Variants in GRM7 observed in about 807,000 individuals in gnomAD.
GRM7 encodes glutamate metabotropic receptor 7, also known as metabotropic glutamate receptor 7.
Under a neutral mutation model 84.5 loss-of-function variants are expected in GRM7, and 35 were observed. That is an observed-to-expected ratio of 0.41 (90% CI 0.32 to 0.55). The LOEUF is 0.55. GRM7 is among the 20% of genes least tolerant of loss of function. The pLI, the probability that GRM7 is intolerant of heterozygous loss-of-function variation, is 0.19. For synonymous variants in GRM7, 487 were observed against 455.1 expected (o/e 1.07, Z -0.89); for missense variants, 1,003 against 1,194.6 (o/e 0.84, Z 2.36).
Position 6,995,541 on chromosome 3 carries a change from A to G in GRM7, c.519+133634A>G, listed in dbSNP as rs563966968. Among the ~76,000 whole-genome samples, 10 of 152,306 alleles carry G rather than the reference A, an allele frequency of 6.6e-5. No individual in the cohort carries two copies. In the South Asian group the frequency reaches 2.1e-3, roughly 32 times the overall value. On this transcript the variant is annotated intron_variant, in intron 1 of 9. Coordinates refer to ENST00000357716, the MANE Select transcript of GRM7 (RefSeq NM_000844.4). ...GGAAATTTGTTAGAGTACTGAATGGATGCAATGGCAATTTTGTACTTTGCT... is the reference window on the plus strand; with the variant it reads ...GGAAATTTGTTAGAGTACTGAATGGGTGCAATGGCAATTTTGTACTTTGCT...
At chr3:7,098,717 C>T (rs1397156655) in intron 1 of GRM7, among the ~76,000 whole-genome samples, 1 of 151,932 alleles carries the variant, frequency 6.6e-6, no homozygotes, top group Non-Finnish European at 1.5e-5. Flanking sequence ...TTATAAAAAA[C>T]ATCGATGATG....
intron 2 of GRM7, among the ~76,000 whole-genome samples, chr3:7,286,290 T>G (rs867151480): frequency 1.3e-5 from 2 of 152,308 alleles, no homozygotes; most frequent in Middle Eastern, 6.8e-3. Context: ...CAAAATGTAA[T>G]TTGGTATTTG....
intron 8 of GRM7, among the ~76,000 whole-genome samples, chr3:7,592,744 C>T: frequency 6.6e-6 from 1 of 152,178 alleles, no homozygotes; most frequent in East Asian, 1.9e-4. Flanking sequence ...ATATCATCTT[C>T]CTCTAGCTTC....
At chr3:7,547,050 A>T (rs535648418) in intron 7 of GRM7, among the ~76,000 whole-genome samples, 1 of 152,088 alleles carries the variant, frequency 6.6e-6, no homozygotes, top group Admixed American at 6.5e-5. Flanking sequence ...ATCCTACAGA[A>T]CCCCCAAGGC....
At chr3:6,974,209 A>G (rs1693891767) in intron 1 of GRM7, among the ~76,000 whole-genome samples, 1 of 152,192 alleles carries the variant, frequency 6.6e-6, no homozygotes, top group South Asian at 2.1e-4. Flanking sequence ...ATATATGGAA[A>G]AAGCCGAAAT....
At position 7,154,158 on chromosome 3, in the gene GRM7, A is replaced by G. The variant is rs17046903; in HGVS notation, c.736+7490A>G. Among the ~76,000 whole-genome samples, 645 of 152,298 alleles carry G rather than the reference A, an allele frequency of 4.2e-3. 3 individuals carry two copies. The highest frequency in any genetic ancestry group is 0.015 in the African/African-American group (609 of 41,566). ...CCAAGCAATGTGGTAGCCATTCCAA[A>G]AAACTTTCTGGCTTTTAAACCAAGA... On this transcript the variant is annotated intron_variant, in intron 2 of 9. Coordinates refer to ENST00000357716, the MANE Select transcript of GRM7 (RefSeq NM_000844.4).
chr3:7,695,607 C>T (rs950060606), intron 9 of GRM7, among the ~76,000 whole-genome samples: 10 of 152,148 alleles, frequency 6.6e-5, no homozygotes, highest in Non-Finnish European at 1.3e-4. Flanking sequence ...CAGGTTAAGA[C>T]TTAAGATGCT....
intron 1 of GRM7, among the ~76,000 whole-genome samples, chr3:6,985,534 T>C (rs1694376850): frequency 6.6e-6 from 1 of 152,240 alleles, no homozygotes; most frequent in Non-Finnish European, 1.5e-5. Flanking sequence ...GTTTCATTGT[T>C]GCCACAGGCT....
chr3:7,430,682 C>A (rs764750363), intron 5 of GRM7, among the ~76,000 whole-genome samples: 1 of 152,122 alleles, frequency 6.6e-6, no homozygotes, highest in Non-Finnish European at 1.5e-5. Context: ...TTCATAATAG[C>A]CCAGTTGGGG....
At chr3:6,957,785 A>G (rs991217851) in intron 1 of GRM7, among the ~76,000 whole-genome samples, 5 of 152,234 alleles carry the variant, frequency 3.3e-5, no homozygotes, top group African/African-American at 1.2e-4. Context: ...AGTGGTGAGA[A>G]AACACAGTGA....
chr3:7,674,920 G>A (rs1290810090), intron 8 of GRM7, among the ~76,000 whole-genome samples: 1 of 152,200 alleles, frequency 6.6e-6, no homozygotes, highest in Non-Finnish European at 1.5e-5. Flanking sequence ...AGTAGTGGAA[G>A]AGTAAGGTTT....
At chr3:7,319,942 C>A (rs147874305) in intron 4 of GRM7, among the ~76,000 whole-genome samples, 93 of 152,114 alleles carry the variant, frequency 6.1e-4, no homozygotes, top group African/African-American at 2.0e-3. Context: ...AACCACTACA[C>A]AAATCAAGAC....
At chr3:7,449,283 CA>C (rs1254500850) in intron 5 of GRM7, among the ~76,000 whole-genome samples, 3 of 151,984 alleles carry the variant, frequency 2.0e-5, no homozygotes, top group Admixed American at 2.0e-4. Context: ...AAGAAACATT[CA>C]AAACCTATGT....
intron 1 of GRM7, among the ~76,000 whole-genome samples, chr3:6,902,658 T>G (rs1696429942): frequency 6.6e-6 from 1 of 152,102 alleles, no homozygotes; most frequent in African/African-American, 2.4e-5. Context: ...AAAAATATAT[T>G]ATTTCTGAAA....
In GRM7 at chr3:6,956,458, G is replaced by A. The variant is rs1266284123; in HGVS notation, c.519+94551G>A. The A allele has an allele frequency of 3.5e-5, 15 of 434,106 alleles. No individual in the cohort carries two copies. The East Asian group carries it at 7.0e-4, about 20-fold the overall frequency. 26.9% of individuals were successfully genotyped at this position (434,106 alleles called of 1,614,324 possible). On this transcript the variant is annotated intron_variant, in intron 1 of 9. Transcript: ENST00000357716. Reference sequence around the variant, plus strand: ...CTCTCTAAGACTTTGGGCAAACGCCGGCACCATGTTTTTCATTCATTTTTT... The same window carrying A: ...CTCTCTAAGACTTTGGGCAAACGCCAGCACCATGTTTTTCATTCATTTTTT...
chr3:7,301,376 C>G (rs2125025708), intron 3 of GRM7, among the ~76,000 whole-genome samples: 1 of 152,278 alleles, frequency 6.6e-6, no homozygotes, highest in South Asian at 2.1e-4. Flanking sequence ...ATTACTCTTT[C>G]TGTTCCAGTA....
At chr3:7,722,644 C>A (rs938959825) in intron 9 of GRM7, among the ~76,000 whole-genome samples, 1 of 151,970 alleles carries the variant, frequency 6.6e-6, no homozygotes, top group African/African-American at 2.4e-5. Context: ...GGGTTCACCA[C>A]GTTGGCCAGG....
In GRM7 at chr3:7,216,543, A is replaced by G. The variant is rs375216564; in HGVS notation, c.736+69875A>G. 3.3e-5 allele frequency among the ~76,000 whole-genome samples: 5 copies of G among 152,172 alleles called. No homozygotes were observed. The East Asian group carries it at 5.8e-4, about 18-fold the overall frequency. On this transcript the variant is annotated intron_variant, in intron 2 of 9. Coordinates refer to ENST00000357716, the MANE Select transcript of GRM7 (RefSeq NM_000844.4). ...ATTTTATATAACCCATAACAATTTG[A>G]GATTGCTTTAGAGATTTATGCAAAA...
chr3:6,864,521 C>A (rs1376312254), intron 1 of GRM7, among the ~76,000 whole-genome samples: 1 of 152,166 alleles, frequency 6.6e-6, no homozygotes, highest in African/African-American at 2.4e-5. Context: ...TATAGTGAAT[C>A]TTGTCGGGGA....
Sources: gnomAD v4.1 joint callset for allele counts (sites outside exome capture counted in the v4.1 genomes callset) on GRCh38, gnomAD v4.1.1 for gene constraint, MANE v1.5 for transcripts, NCBI Gene and HGNC (gene_info 2026-07-23, HGNC 2026-07-21) for gene names.